CYSTM1: variants seen among roughly 807,000 people sequenced by gnomAD.
CYSTM1 encodes cysteine-rich transmembrane module-containing protein 1.
In CYSTM1, 4 loss-of-function variants were observed where a neutral mutation model predicts 13.1. That is an observed-to-expected ratio of 0.31 (90% CI 0.15 to 0.70). The LOEUF is 0.70. CYSTM1 is among the 30% of genes least tolerant of loss of function. The probability of loss-of-function intolerance (pLI) is 0.72; values close to 1 mark genes in which losing one functional copy is unlikely to be tolerated. For missense variants in CYSTM1, 96 were observed against 121.6 expected (o/e 0.79, Z 0.99); for synonymous variants, 36 against 42.7 (o/e 0.84, Z 0.62).
intron 2 of CYSTM1, among the ~76,000 whole-genome samples, chr5:140,195,439 C>CTTTTTTT (rs35389567): frequency 2.0e-5 from 2 of 101,368 alleles, no homozygotes; most frequent in Non-Finnish European, 1.9e-5. Flanking sequence ...GCCCTTTCAG[C>CTTTTTTT]TTTTTTTTTT....
At chr5:140,236,862 C>T (rs1005533509) in intron 2 of CYSTM1, among the ~76,000 whole-genome samples, 7 of 152,156 alleles carry the variant, frequency 4.6e-5, no homozygotes, top group Admixed American at 1.3e-4. Flanking sequence ...CTCTCATTTT[C>T]TCTATTTTAT....
chr5:140,178,945 G>C (rs952815606), intron 1 of CYSTM1, among the ~76,000 whole-genome samples: 1 of 151,736 alleles, frequency 6.6e-6, no homozygotes. Context: ...TTTTTCCTGG[G>C]GTTTTATGGG....
intron 1 of CYSTM1, among the ~76,000 whole-genome samples, chr5:140,181,481 T>G (rs1763962032): frequency 6.6e-6 from 1 of 152,172 alleles, no homozygotes; most frequent in African/African-American, 2.4e-5. Context: ...TGAGGGATAA[T>G]TGTATTTACT....
chr5:140,242,382 G>C (rs1169183157), intron 2 of CYSTM1, among the ~76,000 whole-genome samples: 1 of 152,080 alleles, frequency 6.6e-6, no homozygotes, highest in East Asian at 1.9e-4. Context: ...CAAAACACAA[G>C]AAAACTGAAA....
chr5:140,226,851 G>A (rs747384259), intron 2 of CYSTM1, among the ~76,000 whole-genome samples: 64 of 151,662 alleles, frequency 4.2e-4, no homozygotes, highest in Non-Finnish European at 8.1e-4. Flanking sequence ...CTGAGAGAAG[G>A]CCAAGGGGTG....
At chr5:140,237,997 T>A (rs1172980238) in intron 2 of CYSTM1, among the ~76,000 whole-genome samples, 1 of 152,170 alleles carries the variant, frequency 6.6e-6, no homozygotes, top group Non-Finnish European at 1.5e-5. Context: ...CGCCCGCACC[T>A]GTCTGGAGAG....
Position 140,219,289 on chromosome 5 carries a change from G to T in CYSTM1, c.188-24016G>T, listed in dbSNP as rs186094429. 1.6e-4 allele frequency among the ~76,000 whole-genome samples: 25 copies of T among 152,284 alleles called. No individual in the cohort carries two copies. The highest frequency in any genetic ancestry group is 6.0e-4 in the African/African-American group (25 of 41,554). ...AGCTTGTGTTACAAAACAGTGTTAC[G>T]AAACAGCAGGAATTGCGGTGGATAA... On this transcript the variant is annotated intron_variant, in intron 2 of 2. Transcript: ENST00000261811. The surrounding 1 kb of genome is among the most constrained non-coding windows in gnomAD (Gnocchi z 4.1).
At chr5:140,206,078 C>T (rs893571537) in intron 2 of CYSTM1, among the ~76,000 whole-genome samples, 2 of 152,134 alleles carry the variant, frequency 1.3e-5, no homozygotes, top group South Asian at 2.1e-4. Flanking sequence ...GCCCTCTGCT[C>T]CACCTTCCCT....
At chr5:140,183,520 C>T (rs1024202887) in intron 1 of CYSTM1, among the ~76,000 whole-genome samples, 5 of 152,192 alleles carry the variant, frequency 3.3e-5, no homozygotes, top group African/African-American at 1.2e-4. Flanking sequence ...TGAGGAGAAG[C>T]CAACCTTCAT....
At chr5:140,240,276 C>G (rs575871598) in intron 2 of CYSTM1, among the ~76,000 whole-genome samples, 1 of 151,800 alleles carries the variant, frequency 6.6e-6, no homozygotes, top group Non-Finnish European at 1.5e-5. Context: ...GAAGAGTTGC[C>G]GAGATGGTAG....
chr5:140,238,853 T>A (rs1358960266), intron 2 of CYSTM1, among the ~76,000 whole-genome samples: 2 of 152,236 alleles, frequency 1.3e-5, no homozygotes, highest in African/African-American at 4.8e-5. Context: ...CAAGGGCAGT[T>A]GAGCAGACTA....
intron 2 of CYSTM1, among the ~76,000 whole-genome samples, chr5:140,226,565 A>G (rs2126669075): frequency 9.2e-6 from 1 of 108,604 alleles, no homozygotes; most frequent in East Asian, 2.3e-4. Context: ...TATAATATAA[A>G]TATATATTAT....
intron 2 of CYSTM1, among the ~76,000 whole-genome samples, chr5:140,226,586 T>TATATATATATATATATATA (rs1764557898): frequency 1.3e-5 from 1 of 75,306 alleles, no homozygotes; most frequent in Non-Finnish European, 2.5e-5. Flanking sequence ...ATACTAAATA[T>TATATATATATATATATATA]TATATATATA....
intron 2 of CYSTM1, among the ~76,000 whole-genome samples, chr5:140,238,614 C>G (rs1561484746): frequency 6.6e-6 from 1 of 152,208 alleles, no homozygotes; most frequent in African/African-American, 2.4e-5. Context: ...CTTGCACATC[C>G]AAGGAAAGCT....
At chr5:140,238,183 T>C (rs974249253) in intron 2 of CYSTM1, among the ~76,000 whole-genome samples, 1 of 151,500 alleles carries the variant, frequency 6.6e-6, no homozygotes, top group Non-Finnish European at 1.5e-5. Flanking sequence ...GCAGGAGGAG[T>C]AGGGCAGGAA....
At chr5:140,179,181 G>A (rs1034498193) in intron 1 of CYSTM1, among the ~76,000 whole-genome samples, 14 of 151,852 alleles carry the variant, frequency 9.2e-5, no homozygotes, top group Non-Finnish European at 1.5e-4. Flanking sequence ...GATCGCTGGA[G>A]CCCAGGAGTT....
At chr5:140,183,622 CGATATGGG>C (rs1224612570) in intron 1 of CYSTM1, among the ~76,000 whole-genome samples, 1 of 152,160 alleles carries the variant, frequency 6.6e-6, no homozygotes, top group Non-Finnish European at 1.5e-5. Flanking sequence ...TGCTCCTCCC[CGATATGGG>C]GGTCCCAGCA....
At chr5:140,228,539 T>C (rs1764586631) in intron 2 of CYSTM1, among the ~76,000 whole-genome samples, 1 of 152,212 alleles carries the variant, frequency 6.6e-6, no homozygotes, top group Admixed American at 6.5e-5. Context: ...GTACCTGATG[T>C]GTGCCAGACA....
At chr5:140,185,172 C>T (rs1384517460) in intron 1 of CYSTM1, among the ~76,000 whole-genome samples, 1 of 152,190 alleles carries the variant, frequency 6.6e-6, no homozygotes, top group African/African-American at 2.4e-5. Context: ...ATAAGACAGT[C>T]TCTGAACCTC....
Sources: gnomAD v4.1 joint callset for allele counts (sites outside exome capture counted in the v4.1 genomes callset) on GRCh38, gnomAD v4.1.1 for gene constraint, Gnocchi (gnomAD v3.1) non-coding constraint, MANE v1.5 for transcripts, NCBI Gene and HGNC (gene_info 2026-07-23, HGNC 2026-07-21) for gene names.